Variants in SYTL1 observed in about 807,000 individuals in gnomAD.
The protein encoded by SYTL1 is synaptotagmin like 1, also known as synaptotagmin-like protein 1.
Under a neutral mutation model 74.6 loss-of-function variants are expected in SYTL1, and 53 were observed. That is an observed-to-expected ratio of 0.71 (90% CI 0.57 to 0.89). SYTL1 has a LOEUF of 0.89. SYTL1 is among the 40% of genes least tolerant of loss of function. The pLI is 0.00. For missense variants in SYTL1, 728 were observed against 768.7 expected (o/e 0.95, Z 0.63); for synonymous variants, 329 against 324.9 (o/e 1.01, Z -0.14).
chr1:27,347,642 A>C lies in SYTL1; in HGVS notation c.340+73A>C, dbSNP rs1324840771. The stretch of plus-strand genomic sequence containing the variant: ...GCTGGCTGTATGTGGACAGGGAGAG[A>C]GGACCACTAGGGCTCCAGTCCTGGC... On this transcript the variant is annotated intron_variant, in intron 3 of 14. Transcript: ENST00000616558. This position sits in a 1 kb window ranked among gnomAD's most constrained non-coding sequence, Gnocchi z 4.9. 1 of 1,547,810 alleles carries C rather than the reference A, an allele frequency of 6.5e-7. No individual in the cohort carries two copies. Among genetic ancestry groups the C allele is most frequent in the Non-Finnish European group, 8.8e-7 (1 of 1,139,802 alleles).
Position 27,350,437 on chromosome 1 carries a change from G to T in SYTL1, c.957G>T (p.Thr319=), listed in dbSNP as rs748976009. Residue 319 remains threonine (T), a synonymous_variant, in exon 10 of 15, where the codon ACG becomes ACT. Coordinates refer to ENST00000616558, the MANE Select transcript of SYTL1 (RefSeq NM_001193308.2). The surrounding 1 kb of genome is among the most constrained non-coding windows in gnomAD (Gnocchi z 6.3). The stretch of plus-strand genomic sequence containing the variant: ...CGGATAAGCAGAGCAAGCGCAAGAC[G>T]GCGGTGAAGAAACGGAATCTGAATC... The part of the protein sequence containing the change: ...LLPDKQSKRK[T]AVKKRNLNPV... 15 of 1,613,980 alleles carry T rather than the reference G, an allele frequency of 9.3e-6. No individual in the cohort carries two copies. The highest frequency in any genetic ancestry group is 1.3e-5 in the Non-Finnish European group (15 of 1,180,002).
Position 27,349,768 on chromosome 1 carries a change from G to A in SYTL1, c.747+3G>A. The A allele has an allele frequency of 6.3e-7, 1 of 1,594,386 alleles. No individual in the cohort carries two copies. The highest frequency in any genetic ancestry group is 8.5e-7 in the Non-Finnish European group (1 of 1,175,786). Reference sequence around the variant, plus strand: ...TGTCCAGCCTTAACTCCTCCACGGTGAGGCGGGAGGGAGGGGACCCGGGCG... The same window carrying A: ...TGTCCAGCCTTAACTCCTCCACGGTAAGGCGGGAGGGAGGGGACCCGGGCG... On this transcript the variant is annotated splice_donor_region_variant and intron_variant, in intron 8 of 14. Coordinates refer to ENST00000616558, the MANE Select transcript of SYTL1 (RefSeq NM_001193308.2).
chr1:27,352,990 T>C (rs1196067747), intron 13 of SYTL1: 1 of 385,850 alleles, frequency 2.6e-6, no homozygotes, highest in Non-Finnish European at 4.9e-6. Flanking sequence ...TTCACCATGT[T>C]GGCCAGGCTG....
At chr1:27,346,974 T>C (rs760254775) in intron 2 of SYTL1, among the ~76,000 whole-genome samples, 2 of 151,618 alleles carry the variant, frequency 1.3e-5, no homozygotes, top group Non-Finnish European at 2.9e-5. Flanking sequence ...TATAAAAAAT[T>C]AGCTGGGCAT....
rs2015246340 is a variant in SYTL1 at position 27,350,979 on chromosome 1, AC to A, written c.1164+29del. The A allele has an allele frequency of 6.2e-7, 1 of 1,610,574 alleles. No homozygotes were observed. The highest frequency in any genetic ancestry group is 1.1e-5 in the South Asian group (1 of 90,974). On this transcript the variant is annotated intron_variant, in intron 11 of 14. Transcript: ENST00000616558. The surrounding 1 kb of genome is among the most constrained non-coding windows in gnomAD (Gnocchi z 6.3). ...TGAGGCAGCCAGGCCGCGTGGGGAG[AC>A]CTGCGGCCCGGGTCTCCTGCATTTA...
At chr1:27,346,535 G>T (rs1174460321) in intron 2 of SYTL1, among the ~76,000 whole-genome samples, 1 of 152,168 alleles carries the variant, frequency 6.6e-6, no homozygotes, top group Non-Finnish European at 1.5e-5. Flanking sequence ...GGCTGAGACG[G>T]GAGGATTGCT....
rs148530866 is a variant in SYTL1 at position 27,353,287 on chromosome 1, G to C, written c.1348G>C (p.Val450Leu). 1.3e-6 allele frequency: 2 copies of C among 1,589,964 alleles called. No individual in the cohort carries two copies. The highest frequency in any genetic ancestry group is 1.7e-6 in the Non-Finnish European group (2 of 1,168,554). Reference sequence around the variant, plus strand: ...GCCAGGCCACCTCCCGCACAGCTTCGTGCTGCCTGATGACAGCCAGGCCAG... The same window carrying C: ...GCCAGGCCACCTCCCGCACAGCTTCCTGCTGCCTGATGACAGCCAGGCCAG... ...GSLDTYVQCF[V>L]LPDDSQASRQ... is the part of the protein sequence containing the mutation. Residue 450 changes from valine (V) to leucine (L), a missense_variant, in exon 14 of 15, where the codon GTG becomes CTG. Val to Leu is a conservative substitution (Grantham distance 32, BLOSUM62 1). Coordinates refer to ENST00000616558, the MANE Select transcript of SYTL1 (RefSeq NM_001193308.2).
chr1:27,347,706 C>A lies in SYTL1; in HGVS notation c.341-102C>A. On this transcript the variant is annotated intron_variant, in intron 3 of 14. Coordinates refer to ENST00000616558, the MANE Select transcript of SYTL1 (RefSeq NM_001193308.2). The surrounding 1 kb of genome is among the most constrained non-coding windows in gnomAD (Gnocchi z 4.9). ...GTGTGTCTTTCAGTGGGCAATGCCCCTCCGTGGGCATGGGGTGGGTGGGTA... is the reference window on the plus strand; with the variant it reads ...GTGTGTCTTTCAGTGGGCAATGCCCATCCGTGGGCATGGGGTGGGTGGGTA... 1 of 1,459,166 alleles carries A rather than the reference C, an allele frequency of 6.9e-7. No homozygotes were observed. The highest frequency in any genetic ancestry group is 2.3e-5 in the East Asian group (1 of 43,436). The allele number at this position is 1,459,166 out of a possible 1,614,324, so 90.4% of individuals were successfully genotyped here.
At chr1:27,353,673 A>C (rs1347532735) in intron 14 of SYTL1, 40 bp from the exon 15 acceptor site, 1 of 1,598,038 alleles carries the variant, frequency 6.3e-7, no homozygotes, top group South Asian at 1.1e-5. Context: ...CAAGGTGTCC[A>C]GTGTGATCAT....
chr1:27,350,045 T>A lies in SYTL1; in HGVS notation c.821T>A (p.Leu274Gln), dbSNP rs1333957181. 1 of 1,528,390 alleles carries A rather than the reference T, an allele frequency of 6.5e-7. No homozygotes were observed. Among genetic ancestry groups the A allele is most frequent in the East Asian group, 2.6e-5 (1 of 38,262 alleles). 94.7% of individuals were successfully genotyped at this position (1,528,390 alleles called of 1,614,324 possible). A position where few individuals can be genotyped will look rare whatever the true frequency, so the allele number is the denominator to read the frequency against. Residue 274 changes from leucine to glutamine, a missense_variant, in exon 9 of 15, where the codon CTG (leucine) becomes CAG (glutamine). Transcript: ENST00000616558. This position sits in a 1 kb window ranked among gnomAD's most constrained non-coding sequence, Gnocchi z 6.3. ...VQVRGSVHFALHYEPGAAELR... is the reference protein window; with the variant it reads ...VQVRGSVHFAQHYEPGAAELR... ...GTCCGCGGCTCCGTGCACTTCGCGC[T>A]GCACTACGAGCCGGGCGCCGCCGAG...
Position 27,350,718 on chromosome 1 carries a change from C to G in SYTL1, c.1006-76C>G. 6.5e-7 allele frequency: 1 copy of G among 1,548,776 alleles called. No homozygotes were observed. The highest frequency in any genetic ancestry group is 2.3e-5 in the East Asian group (1 of 44,188). ...CCATCATGGTAGGAACGCGGTAGGA[C>G]CTGCCTCAGCCAACTCGCGCAGCAT... On this transcript the variant is annotated intron_variant, in intron 10 of 14. Transcript: ENST00000616558. This position sits in a 1 kb window ranked among gnomAD's most constrained non-coding sequence, Gnocchi z 6.3.
chr1:27,353,338 C>T lies in SYTL1; in HGVS notation c.1399C>T (p.Arg467Cys), dbSNP rs781350268. ...ASRQRTRVVRRSLSPVFNHTM... is the reference protein window; with the variant it reads ...ASRQRTRVVRCSLSPVFNHTM... The stretch of plus-strand genomic sequence containing the variant: ...CCGCCAGCGTACAAGGGTTGTGCGA[C>T]GCAGCCTCAGCCCTGTGTTCAATCA... Residue 467 changes from arginine (R) to cysteine (C), a missense_variant, in exon 14 of 15, where the codon CGC (arginine) becomes TGC (cysteine). Physicochemically the swap from Arg to Cys is radical, Grantham distance 180. Coordinates refer to ENST00000616558, the MANE Select transcript of SYTL1 (RefSeq NM_001193308.2). 28 of 1,609,538 alleles carry T rather than the reference C, an allele frequency of 1.7e-5. No homozygotes were observed. Among genetic ancestry groups the T allele is most frequent in the East Asian group, 1.6e-4 (7 of 44,724 alleles).
At chr1:27,346,374 A>G (rs1258166927) in intron 2 of SYTL1, among the ~76,000 whole-genome samples, 1 of 152,196 alleles carries the variant, frequency 6.6e-6, no homozygotes, top group Non-Finnish European at 1.5e-5. Flanking sequence ...GGGGACAGAC[A>G]CTTCCTAGCT....
chr1:27,346,451 G>C (rs903309370), intron 2 of SYTL1, among the ~76,000 whole-genome samples: 2 of 152,174 alleles, frequency 1.3e-5, no homozygotes, highest in African/African-American at 4.8e-5. Context: ...ATGGGGCTAA[G>C]GAGTCCTACT....
intron 6 of SYTL1, 102 bp from the exon 7 acceptor site, chr1:27,349,296 G>C: frequency 6.8e-7 from 1 of 1,460,386 alleles, no homozygotes; most frequent in Non-Finnish European, 9.1e-7. Context: ...GGCAGCACCG[G>C]GGCCTGAATC....
chr1:27,349,156 A>T lies in SYTL1; in HGVS notation c.532+4A>T. On this transcript the variant is annotated splice_donor_region_variant and intron_variant, in intron 6 of 14. Coordinates refer to ENST00000616558, the MANE Select transcript of SYTL1 (RefSeq NM_001193308.2). ...GAGGCGTCCCAGGCCCAGGAAGGTG[A>T]GTGGGAGCGCCTGTTGGGGAGCACG... is the stretch of plus-strand genomic sequence containing the variant. 1.2e-6 allele frequency: 2 copies of T among 1,613,120 alleles called. No individual in the cohort carries two copies. The highest frequency in any genetic ancestry group is 1.7e-6 in the Non-Finnish European group (2 of 1,179,240).
chr1:27,345,163 C>A lies in SYTL1; in HGVS notation c.-38-134C>A. 3 of 529,030 alleles carry A rather than the reference C, an allele frequency of 5.7e-6. No homozygotes were observed. The highest frequency in any genetic ancestry group is 6.6e-6 in the Non-Finnish European group (2 of 301,056). 32.8% of individuals were successfully genotyped at this position (529,030 alleles called of 1,614,324 possible). A position where few individuals can be genotyped will look rare whatever the true frequency, so the allele number is the denominator to read the frequency against. On this transcript the variant is annotated intron_variant, in intron 1 of 14. Transcript: ENST00000616558. The surrounding 1 kb of genome is among the most constrained non-coding windows in gnomAD (Gnocchi z 6.0). The stretch of plus-strand genomic sequence containing the variant: ...ATGTGTGCATGAGTGTCTCTCACCC[C>A]ACCTTGAGCTCAGCCATCCTGGGGT...
intron 8 of SYTL1, 46 bp from the exon 9 acceptor site, chr1:27,349,925 CG>C (rs2148035031): frequency 6.4e-7 from 1 of 1,557,856 alleles, no homozygotes; most frequent in African/African-American, 1.4e-5. Flanking sequence ...GCGGCCCCGA[CG>C]TGAGCCCTGC....
rs1433493806 is a variant in SYTL1 at position 27,348,179 on chromosome 1, G to A, written c.459+167G>A. 6.6e-6 allele frequency among the ~76,000 whole-genome samples: 1 copy of A among 152,114 alleles called. No individual in the cohort carries two copies. Among genetic ancestry groups the A allele is most frequent in the African/African-American group, 2.4e-5 (1 of 41,400 alleles). ...TGGGTGGAACAGTGGTGAACGGTGGGGAACGGTGGTGAATGGTGGTAAACA... is the reference window on the plus strand; with the variant it reads ...TGGGTGGAACAGTGGTGAACGGTGGAGAACGGTGGTGAATGGTGGTAAACA... On this transcript the variant is annotated intron_variant, in intron 5 of 14. Transcript: ENST00000616558. The surrounding 1 kb of genome is among the most constrained non-coding windows in gnomAD (Gnocchi z 4.1).
Sources: allele counts gnomAD v4.1 joint callset (sites outside exome capture counted in the v4.1 genomes callset), GRCh38; gene constraint gnomAD v4.1.1; non-coding constraint Gnocchi (gnomAD v3.1); transcripts MANE v1.5; gene names NCBI Gene and HGNC (gene_info 2026-07-23, HGNC 2026-07-21).